ARHGAP44: variants seen among roughly 807,000 people sequenced by gnomAD.
ARHGAP44 encodes Rho GTPase activating protein 44, also known as rho GTPase-activating protein 44.
A neutral mutation model predicts 106.8 loss-of-function variants in ARHGAP44; 43 were observed. That is an observed-to-expected ratio of 0.40 (90% CI 0.32 to 0.52). The LOEUF (loss-of-function observed/expected upper bound fraction) is 0.52. Ranked by LOEUF, ARHGAP44 falls within the 20% of genes least tolerant of loss-of-function variation. The probability of loss-of-function intolerance (pLI) is 0.48; values close to 1 mark genes in which losing one functional copy is unlikely to be tolerated. For synonymous variants in ARHGAP44, 439 were observed against 410.3 expected (o/e 1.07, Z -0.85); for missense variants, 866 against 1,050.5 (o/e 0.82, Z 2.43).
chr17:12,885,550 T>C (rs1249310019), intron 1 of ARHGAP44, among the ~76,000 whole-genome samples: 1 of 152,154 alleles, frequency 6.6e-6, no homozygotes, highest in Non-Finnish European at 1.5e-5. Flanking sequence ...TGTTTGTGTG[T>C]GTGTGTGTTG....
At chr17:12,857,070 A>G (rs1297491839) in intron 1 of ARHGAP44, among the ~76,000 whole-genome samples, 1 of 152,156 alleles carries the variant, frequency 6.6e-6, no homozygotes, top group East Asian at 1.9e-4. Context: ...TTTAAACCTC[A>G]ATGACATGTT....
intron 1 of ARHGAP44, among the ~76,000 whole-genome samples, chr17:12,839,550 G>A (rs997907800): frequency 4.6e-5 from 7 of 152,144 alleles, no homozygotes; most frequent in South Asian, 2.1e-4. Context: ...TGATTTCCAC[G>A]TCTGAACTTG....
chr17:12,953,499 G>A (rs574778081), intron 13 of ARHGAP44, among the ~76,000 whole-genome samples: 1 of 152,322 alleles, frequency 6.6e-6, no homozygotes, highest in South Asian at 2.1e-4. Flanking sequence ...CAGAATTACT[G>A]TAGGATCCAG....
At chr17:12,948,379 A>G (rs2038906794) in intron 10 of ARHGAP44, among the ~76,000 whole-genome samples, 2 of 152,154 alleles carry the variant, frequency 1.3e-5, no homozygotes, top group South Asian at 4.1e-4. Context: ...ATTTGATTCT[A>G]AAAGTGTAGG....
chr17:12,861,644 C>CTTTTTTTTTTTTTTTTT (rs71144930), intron 1 of ARHGAP44, among the ~76,000 whole-genome samples: 18,578 of 66,070 alleles, frequency 0.28, 5,569 homozygotes, highest in Non-Finnish European at 0.4. Flanking sequence ...TCCTCTTCCA[C>CTTTTTTTTTTTTTTTTT]TTTTTTTTTT....
chr17:12,896,501 A>G lies in ARHGAP44; in HGVS notation c.188A>G (p.Asp63Gly). ...CLQGQQGAEADKRSKKLPLTT... is the reference protein window; with the variant it reads ...CLQGQQGAEAGKRSKKLPLTT... ...CAGGGCCAGCAAGGGGCAGAGGCTG[A>G]CAAGCGCTCCGTAAGTGCCCTCCCA... Residue 63 changes from aspartate to glycine, a missense_variant, in exon 3 of 21, where the codon GAC (aspartate) becomes GGC (glycine). Around this residue, in one of 2 missense-constraint regions of ARHGAP44, gnomAD observed 448 missense variants for 646.9 expected, o/e 0.69. Coordinates refer to ENST00000379672, the MANE Select transcript of ARHGAP44 (RefSeq NM_014859.6). 6.2e-7 allele frequency: 1 copy of G among 1,602,718 alleles called. No individual in the cohort carries two copies.
chr17:12,974,852 A>AT (rs34105454), intron 18 of ARHGAP44, among the ~76,000 whole-genome samples: 93,367 of 144,964 alleles, frequency 0.64, 30,343 homozygotes, highest in East Asian at 0.92. Context: ...GTGTCTCTCA[A>AT]TTTTTTTTTT....
At chr17:12,974,027 G>A in intron 17 of ARHGAP44, 62 bp from the exon 18 acceptor site, 1 of 1,494,328 alleles carries the variant, frequency 6.7e-7, no homozygotes. Flanking sequence ...ATGTGGGGGA[G>A]GGAGCCTGTC....
At position 12,972,732 on chromosome 17, in the gene ARHGAP44, G is replaced by T. The variant is rs1398724543; in HGVS notation, c.1524-570G>T. On this transcript the variant is annotated intron_variant, in intron 16 of 20. Coordinates refer to ENST00000379672, the MANE Select transcript of ARHGAP44 (RefSeq NM_014859.6). ...GCTGGAGTGCACCGTCGCAGTCTCGGCTCACTGCAAGCTCCACCTCCTGGG... is the reference window on the plus strand; with the variant it reads ...GCTGGAGTGCACCGTCGCAGTCTCGTCTCACTGCAAGCTCCACCTCCTGGG... 6.6e-5 allele frequency among the ~76,000 whole-genome samples: 10 copies of T among 151,044 alleles called. No homozygotes were observed. The South Asian group carries it at 2.1e-3, about 32-fold the overall frequency.
intron 1 of ARHGAP44, among the ~76,000 whole-genome samples, chr17:12,878,435 G>T (rs746647661): frequency 6.6e-6 from 1 of 151,990 alleles, no homozygotes; most frequent in African/African-American, 2.4e-5. Context: ...TTAGTCTCTC[G>T]TATACAGAAA....
chr17:12,920,534 T>C (rs2038052064), intron 6 of ARHGAP44, among the ~76,000 whole-genome samples: 1 of 152,106 alleles, frequency 6.6e-6, no homozygotes, highest in Non-Finnish European at 1.5e-5. Context: ...TACAGAGATC[T>C]GGTGCAAAGC....
rs767230501 is a variant in ARHGAP44 at position 12,984,557 on chromosome 17, C to G, written c.1966C>G (p.Pro656Ala). 4.6e-6 allele frequency: 7 copies of G among 1,534,520 alleles called. No individual in the cohort carries two copies. Among genetic ancestry groups the G allele is most frequent in the Non-Finnish European group, 5.2e-6 (6 of 1,143,100 alleles). The change falls in exon 20 of 21, where the codon CCC (proline) becomes GCC (alanine). Residue 656 changes from proline to alanine, a missense_variant. Pro to Ala is a conservative substitution (Grantham distance 27). Coordinates refer to ENST00000379672, the MANE Select transcript of ARHGAP44 (RefSeq NM_014859.6). Reference protein sequence around the residue: ...KVSKKLAPIPPKVPFGQPGAM... With the variant: ...KVSKKLAPIPAKVPFGQPGAM... Reference sequence around the variant, plus strand: ...TTCAAAGAAGCTGGCACCGATTCCACCCAAGGTCCCCTTTGGCCAGCCGGG... The same window carrying G: ...TTCAAAGAAGCTGGCACCGATTCCAGCCAAGGTCCCCTTTGGCCAGCCGGG...
At position 12,829,743 on chromosome 17, in the gene ARHGAP44, C is replaced by G. The variant is rs373871551; in HGVS notation, c.53+39852C>G. Among the ~76,000 whole-genome samples, 16 of 152,182 alleles carry G rather than the reference C, an allele frequency of 1.1e-4. No homozygotes were observed. The East Asian group carries it at 2.3e-3, about 22-fold the overall frequency. ...CATGATTCCTAGTTTTATTGAGTCT[C>G]TGCTCAAATGTCATTTTCTTCATGT... On this transcript the variant is annotated intron_variant, in intron 1 of 20. Transcript: ENST00000379672.
At position 12,896,507 on chromosome 17, in the gene ARHGAP44, G is replaced by A. The variant is rs1195312526; in HGVS notation, c.194G>A (p.Arg65His). 7 of 1,597,978 alleles carry A rather than the reference G, an allele frequency of 4.4e-6. No individual in the cohort carries two copies. The highest frequency in any genetic ancestry group is 5.1e-6 in the Non-Finnish European group (6 of 1,172,924). ...QGQQGAEADK[R>H]SKKLPLTTLA... is the part of the protein sequence containing the mutation. The stretch of plus-strand genomic sequence containing the variant: ...CAGCAAGGGGCAGAGGCTGACAAGC[G>A]CTCCGTAAGTGCCCTCCCAGCCCTG... Residue 65 changes from arginine to histidine, a missense_variant, in exon 3 of 21, where the codon CGC becomes CAC. By Grantham distance (29) the Arg-to-His change is conservative. Transcript: ENST00000379672.
chr17:12,902,547 AAG>A (rs1264530495), intron 3 of ARHGAP44, among the ~76,000 whole-genome samples: 7 of 152,216 alleles, frequency 4.6e-5, no homozygotes, highest in Non-Finnish European at 1.0e-4. Context: ...GTGCCTAAAA[AAG>A]AGCCTGCCCC....
intron 1 of ARHGAP44, among the ~76,000 whole-genome samples, chr17:12,828,504 A>G (rs530609683): frequency 8.5e-5 from 13 of 152,172 alleles, no homozygotes; most frequent in African/African-American, 2.9e-4. Context: ...CATGAAGTAA[A>G]TGAAATTGAT....
At chr17:12,968,830 C>T (rs1325036571) in intron 16 of ARHGAP44, among the ~76,000 whole-genome samples, 12 of 149,468 alleles carry the variant, frequency 8.0e-5, no homozygotes, top group Non-Finnish European at 1.5e-4. Context: ...AGTGCAGTGG[C>T]GCCATCTCAG....
intron 16 of ARHGAP44, among the ~76,000 whole-genome samples, chr17:12,964,558 A>T (rs11078100): frequency 0.053 from 8,083 of 152,244 alleles, 780 homozygotes; most frequent in East Asian, 0.48. Flanking sequence ...AGGTGGGCGG[A>T]TCACTTGAGG....
At chr17:12,903,140 AGTGT>A (rs546197652) in intron 3 of ARHGAP44, among the ~76,000 whole-genome samples, 1,502 of 57,450 alleles carry the variant, frequency 0.026, 14 homozygotes, top group African/African-American at 0.034. Context: ...AGAGAGAGAG[AGTGT>A]GTGTGTGTGT....
Sources: allele counts gnomAD v4.1 joint callset (sites outside exome capture counted in the v4.1 genomes callset), GRCh38; gene constraint gnomAD v4.1.1; regional missense constraint gnomAD v4.1.1; transcripts MANE v1.5; gene names NCBI Gene and HGNC (gene_info 2026-07-23, HGNC 2026-07-21).